The following CHSY3 variants were observed in gnomAD, a reference collection of about 807,000 sequenced individuals.
CHSY3 encodes the protein chondroitin sulfate synthase 3, also known as N-acetylgalactosaminyl-proteoglycan 3-beta-glucuronosyltransferase 3.
Under a neutral mutation model 67.2 loss-of-function variants are expected in CHSY3, and 35 were observed. The observed-to-expected ratio is 0.52, with a 90% CI of 0.40 to 0.69. The LOEUF (loss-of-function observed/expected upper bound fraction) is 0.69. CHSY3 is among the 30% of genes least tolerant of loss of function. The pLI is 0.00. For missense variants in CHSY3, 1,069 were observed against 1,138.5 expected, an observed-to-expected ratio of 0.94 and a Z score of 0.88; for synonymous variants, 474 against 434.7, an observed-to-expected ratio of 1.09 and a Z score of -1.12.
intron 2 of CHSY3, among the ~76,000 whole-genome samples, chr5:130,052,911 A>G (rs972103192): frequency 2.5e-4 from 38 of 152,286 alleles, no homozygotes; most frequent in African/African-American, 9.1e-4. Context: ...AGGAATGCCC[A>G]GAAGAGACAG....
intron 2 of CHSY3, among the ~76,000 whole-genome samples, chr5:130,110,957 T>C (rs1767575478): frequency 6.6e-6 from 1 of 151,920 alleles, no homozygotes; most frequent in Non-Finnish European, 1.5e-5. Context: ...TTTATTTTAA[T>C]AAAAATTGAA....
Position 130,184,634 on chromosome 5 carries a change from A to G in CHSY3, c.1492A>G (p.Thr498Ala), listed in dbSNP as rs1443120558. The change falls in exon 3 of 3, where the codon ACC becomes GCC. Residue 498 changes from threonine (T) to alanine (A), a missense_variant. Transcript: ENST00000305031. ...SSILRTALDD[T>A]VLQVMEMINE... ...CATTTTAAGAACAGCACTGGATGATACCGTCCTACAGGTGATGGAGATGAT... is the reference window on the plus strand; with the variant it reads ...CATTTTAAGAACAGCACTGGATGATGCCGTCCTACAGGTGATGGAGATGAT... The G allele has an allele frequency of 6.2e-7, 1 of 1,605,444 alleles. No homozygotes were observed. The highest frequency in any genetic ancestry group is 1.3e-5 in the African/African-American group (1 of 74,868).
chr5:130,029,542 A>G (rs141480056), intron 2 of CHSY3, among the ~76,000 whole-genome samples: 301 of 152,202 alleles, frequency 2.0e-3, no homozygotes, highest in Non-Finnish European at 3.1e-3. Flanking sequence ...CCATGTGTTC[A>G]TGAGGTGTTT....
intron 2 of CHSY3, among the ~76,000 whole-genome samples, chr5:130,110,299 A>G (rs1405981394): frequency 6.6e-6 from 1 of 151,970 alleles, no homozygotes; most frequent in Admixed American, 6.6e-5. Context: ...TCAAAATTTC[A>G]ACCATAAAGA....
At chr5:130,052,771 C>T (rs189691596) in intron 2 of CHSY3, among the ~76,000 whole-genome samples, 11 of 152,054 alleles carry the variant, frequency 7.2e-5, no homozygotes, top group South Asian at 6.2e-4. Context: ...TATCCACAGG[C>T]GTTAATTTAT....
intron 2 of CHSY3, among the ~76,000 whole-genome samples, chr5:130,035,562 A>G (rs765710560): frequency 6.6e-6 from 1 of 152,186 alleles, no homozygotes. Flanking sequence ...CTGATAGAGT[A>G]AGTAGAAATG....
At chr5:130,107,087 G>A (rs749107932) in intron 2 of CHSY3, among the ~76,000 whole-genome samples, 24 of 151,176 alleles carry the variant, frequency 1.6e-4, no homozygotes, top group Admixed American at 5.9e-4. Context: ...GGGTAACTAA[G>A]TTTATTAATA....
intron 2 of CHSY3, among the ~76,000 whole-genome samples, chr5:130,028,229 C>T (rs570113316): frequency 6.6e-6 from 1 of 152,206 alleles, no homozygotes; most frequent in African/African-American, 2.4e-5. Context: ...GCCAAAAGAA[C>T]AAAGCTGGAG....
At chr5:130,000,442 A>G (rs775014309) in intron 2 of CHSY3, among the ~76,000 whole-genome samples, 1 of 152,208 alleles carries the variant, frequency 6.6e-6, no homozygotes, top group African/African-American at 2.4e-5. Context: ...TTCATGGTTG[A>G]AAAGATTCTT....
intron 2 of CHSY3, among the ~76,000 whole-genome samples, chr5:130,157,920 A>T (rs1769419681): frequency 6.6e-6 from 1 of 152,172 alleles, no homozygotes; most frequent in South Asian, 2.1e-4. Context: ...TAACTTCTGG[A>T]TGTTGCCACG....
At chr5:130,052,969 T>G (rs1377165782) in intron 2 of CHSY3, among the ~76,000 whole-genome samples, 2 of 152,122 alleles carry the variant, frequency 1.3e-5, no homozygotes, top group Non-Finnish European at 2.9e-5. Context: ...TTAATAATTA[T>G]GAAATACAGC....
At position 129,980,014 on chromosome 5, in the gene CHSY3, G is replaced by A. The variant is rs1480008216; in HGVS notation, c.1086+71654G>A. Among the ~76,000 whole-genome samples the A allele has an allele frequency of 2.6e-5, 4 of 152,090 alleles. No homozygotes were observed. The East Asian group carries it at 7.7e-4, about 29-fold the overall frequency. On this transcript the variant is annotated intron_variant, in intron 2 of 2. Transcript: ENST00000305031. ...TCACCTAATGAAAGACATCTCGATT[G>A]CTTTCAAGTTTTGGCAATTATGAAT...
rs960556022 is a variant in CHSY3, at chr5:129,940,072, A to G, written c.1086+31712A>G. 2.4e-4 allele frequency among the ~76,000 whole-genome samples: 36 copies of G among 152,168 alleles called. 1 individual carries two copies. On this transcript the variant is annotated intron_variant, in intron 2 of 2. Transcript: ENST00000305031. Reference sequence around the variant, plus strand: ...TTTAGAGGCTTGTCATTAAATAGAAATGTTCTAAATTCCTTTTTCCAGTTT... The same window carrying G: ...TTTAGAGGCTTGTCATTAAATAGAAGTGTTCTAAATTCCTTTTTCCAGTTT...
intron 2 of CHSY3, among the ~76,000 whole-genome samples, chr5:130,129,740 G>C (rs1016636842): frequency 1.3e-5 from 2 of 152,120 alleles, no homozygotes; most frequent in African/African-American, 2.4e-5. Context: ...CCCGTTTCTA[G>C]TTGTGTGTTC....
At position 129,953,437 on chromosome 5, in the gene CHSY3, CAT is replaced by C. The variant is rs922055827; in HGVS notation, c.1086+45078_1086+45079del. On this transcript the variant is annotated intron_variant, in intron 2 of 2. Transcript: ENST00000305031. The stretch of plus-strand genomic sequence containing the variant: ...CTATTGTGAATAGCGCTGCAATAAA[CAT>C]GTGTGTGCATGTGTCTTTATAGTAG... 3.0e-4 allele frequency among the ~76,000 whole-genome samples: 45 copies of C among 152,260 alleles called. 1 individual carries two copies. Among genetic ancestry groups the C allele is most frequent in the Middle Eastern group, 3.4e-3 (1 of 294 alleles).
intron 2 of CHSY3, among the ~76,000 whole-genome samples, chr5:130,072,505 T>A: frequency 6.6e-6 from 1 of 152,114 alleles, no homozygotes; most frequent in Non-Finnish European, 1.5e-5. Flanking sequence ...TCTATCCTCT[T>A]CCGTTGGTCA....
intron 2 of CHSY3, among the ~76,000 whole-genome samples, chr5:130,040,646 C>A (rs556954961): frequency 6.6e-6 from 1 of 152,130 alleles, no homozygotes; most frequent in Admixed American, 6.5e-5. Context: ...TCGTGGAAAT[C>A]AGAAAGGTAA....
chr5:130,060,382 C>G (rs1765672613), intron 2 of CHSY3, among the ~76,000 whole-genome samples: 1 of 152,036 alleles, frequency 6.6e-6, no homozygotes, highest in South Asian at 2.1e-4. Flanking sequence ...TGATAAAAAC[C>G]CTCAACAAAC....
intron 2 of CHSY3, among the ~76,000 whole-genome samples, chr5:130,177,034 A>T (rs970464486): frequency 2.6e-5 from 4 of 151,730 alleles, no homozygotes; most frequent in East Asian, 1.9e-4. Context: ...ATCTCTAATA[A>T]CTTCCTTGTG....
Sources: allele counts gnomAD v4.1 joint callset (sites outside exome capture counted in the v4.1 genomes callset), GRCh38; gene constraint gnomAD v4.1.1; transcripts MANE v1.5; gene names NCBI Gene and HGNC (gene_info 2026-07-23, HGNC 2026-07-21).